The following RBFOX1 variants were observed in gnomAD, a reference collection of about 807,000 sequenced individuals.
RBFOX1 encodes the protein RNA binding protein fox-1 homolog 1.
RBFOX1 carries 8 observed loss-of-function variants against 57.7 expected under a neutral mutation model. The ratio of observed to expected loss-of-function variants is 0.14; its 90% confidence interval spans 0.08 to 0.25. RBFOX1 has a LOEUF of 0.25. Ranked by LOEUF, RBFOX1 falls within the 10% of genes least tolerant of loss-of-function variation. The pLI is 1.00. For synonymous variants in RBFOX1, 326 were observed against 222.4 expected, an observed-to-expected ratio of 1.47 and a Z score of -4.15; for missense variants, 611 against 548.5, an observed-to-expected ratio of 1.11 and a Z score of -1.14.
intron 4 of RBFOX1, among the ~76,000 whole-genome samples, chr16:5,951,728 C>T (rs1242147142): frequency 6.6e-6 from 1 of 152,074 alleles, no homozygotes; most frequent in Admixed American, 6.6e-5. Flanking sequence ...GTATTTCCAT[C>T]CTTCTCCCTT....
intron 3 of RBFOX1, among the ~76,000 whole-genome samples, chr16:6,890,799 C>G (rs2065235900): frequency 6.6e-6 from 1 of 152,142 alleles, no homozygotes; most frequent in Admixed American, 6.5e-5. Context: ...ACTCTCTGTT[C>G]TGTGTGAAAA....
chr16:7,584,961 T>C (rs1007392550), intron 6 of RBFOX1, among the ~76,000 whole-genome samples: 7 of 152,202 alleles, frequency 4.6e-5, no homozygotes, highest in Admixed American at 3.9e-4. Flanking sequence ...CCTGCCAAGA[T>C]TGCTGTTTGA....
At chr16:6,517,498 C>G (rs1567526437) in intron 2 of RBFOX1, among the ~76,000 whole-genome samples, 1 of 152,092 alleles carries the variant, frequency 6.6e-6, no homozygotes, top group Non-Finnish European at 1.5e-5. Flanking sequence ...TCCCAGCTGG[C>G]TTCTCTTTGG....
chr16:5,896,126 G>A (rs1173511191), intron 4 of RBFOX1, among the ~76,000 whole-genome samples: 5 of 152,120 alleles, frequency 3.3e-5, no homozygotes, highest in East Asian at 1.9e-4. Context: ...GAAGGGAGAG[G>A]CTGGAATCTG....
intron 3 of RBFOX1, among the ~76,000 whole-genome samples, chr16:6,923,494 C>G (rs1046144519): frequency 2.0e-5 from 3 of 152,266 alleles, no homozygotes; most frequent in Admixed American, 6.5e-5. Flanking sequence ...TATCACAACA[C>G]TGCACTCCAG....
intron 1 of RBFOX1, among the ~76,000 whole-genome samples, chr16:6,210,246 A>T: frequency 6.7e-6 from 1 of 148,488 alleles, no homozygotes; most frequent in African/African-American, 2.5e-5. Context: ...TGCACCCAGG[A>T]GGTAGAAATT....
intron 1 of RBFOX1, among the ~76,000 whole-genome samples, chr16:6,096,680 A>T (rs919264506): frequency 5.9e-5 from 9 of 152,326 alleles, no homozygotes; most frequent in South Asian, 4.1e-4. Flanking sequence ...TCATGTACCG[A>T]TGTTTAAAAC....
At chr16:5,326,273 A>G (rs1005594994) in intron 1 of RBFOX1, among the ~76,000 whole-genome samples, 1 of 152,184 alleles carries the variant, frequency 6.6e-6, no homozygotes, top group Non-Finnish European at 1.5e-5. Flanking sequence ...CAGAGCCTCA[A>G]ACTAACAGCT....
chr16:5,504,417 T>C (rs1011481537), intron 2 of RBFOX1, among the ~76,000 whole-genome samples: 15 of 152,190 alleles, frequency 9.9e-5, no homozygotes, highest in South Asian at 2.1e-4. Context: ...CTTCAGGCCA[T>C]TGAGAAGCAG....
intron 2 of RBFOX1, among the ~76,000 whole-genome samples, chr16:5,589,390 C>T (rs2046934418): frequency 6.6e-6 from 1 of 152,118 alleles, no homozygotes; most frequent in Non-Finnish European, 1.5e-5. Context: ...AGTCACTTGC[C>T]CTCTCTGAAT....
At chr16:5,797,363 G>A (rs1349766681) in intron 3 of RBFOX1, among the ~76,000 whole-genome samples, 1 of 152,198 alleles carries the variant, frequency 6.6e-6, no homozygotes, top group Non-Finnish European at 1.5e-5. Context: ...CCACTTCAAG[G>A]ACCGTCTTGG....
chr16:7,010,119 C>T (rs1433235226), intron 3 of RBFOX1, among the ~76,000 whole-genome samples: 1 of 152,326 alleles, frequency 6.6e-6, no homozygotes, highest in East Asian at 1.9e-4. Flanking sequence ...GAACTCTATT[C>T]TTTGCTGCAA....
chr16:5,983,198 C>T (rs1334174747), intron 4 of RBFOX1, among the ~76,000 whole-genome samples: 2 of 152,132 alleles, frequency 1.3e-5, no homozygotes, highest in African/African-American at 4.8e-5. Context: ...TGAGAGGCCA[C>T]GGGGAATTAG....
chr16:5,661,119 AG>A (rs1357082882), intron 3 of RBFOX1, among the ~76,000 whole-genome samples: 1 of 152,244 alleles, frequency 6.6e-6, no homozygotes, highest in African/African-American at 2.4e-5. Context: ...GAAACTTAAA[AG>A]GCCTCCTGTC....
chr16:7,137,272 G>C (rs2072292893), intron 4 of RBFOX1, among the ~76,000 whole-genome samples: 1 of 152,164 alleles, frequency 6.6e-6, no homozygotes, highest in Non-Finnish European at 1.5e-5. Flanking sequence ...ACCAGCACAG[G>C]TGATACGGTT....
At chr16:6,931,738 A>C (rs900829595) in intron 3 of RBFOX1, among the ~76,000 whole-genome samples, 1 of 152,152 alleles carries the variant, frequency 6.6e-6, no homozygotes, top group Admixed American at 6.5e-5. Context: ...GCTTGTGCAG[A>C]TCTCTTTGTT....
At chr16:6,198,736 C>T (rs2097196684) in intron 1 of RBFOX1, among the ~76,000 whole-genome samples, 1 of 152,038 alleles carries the variant, frequency 6.6e-6, no homozygotes, top group African/African-American at 2.4e-5. Context: ...AAAGTGTACC[C>T]TTGCTGAAAT....
At chr16:6,554,511 C>T (rs183613969) in intron 2 of RBFOX1, among the ~76,000 whole-genome samples, 73 of 152,252 alleles carry the variant, frequency 4.8e-4, no homozygotes, top group African/African-American at 1.6e-3. Flanking sequence ...ATCGTGTACC[C>T]TGAATTAGTG....
chr16:7,596,082 GT>G (rs1217984515), intron 8 of RBFOX1, among the ~76,000 whole-genome samples: 2 of 30,582 alleles, frequency 6.5e-5, no homozygotes, highest in Admixed American at 8.6e-4. Flanking sequence ...AAAAAAGATT[GT>G]TTTTTTGTTT....
Sources: allele counts gnomAD v4.1 joint callset (sites outside exome capture counted in the v4.1 genomes callset), GRCh38; gene constraint gnomAD v4.1.1; transcripts MANE v1.5; gene names NCBI Gene and HGNC (gene_info 2026-07-23, HGNC 2026-07-21).